Variants in NPSR1 observed in about 807,000 individuals in gnomAD.
The protein encoded by NPSR1 is neuropeptide S receptor.
In NPSR1, 48 loss-of-function variants were observed where a neutral mutation model predicts 46.9. The ratio of observed to expected loss-of-function variants is 1.02; its 90% CI spans 0.81 to 1.30. The LOEUF is 1.30. NPSR1 is among the 50% of genes most tolerant of loss of function. The pLI is 0.00. For missense variants in NPSR1, 450 were observed against 449.5 expected, an observed-to-expected ratio of 1.00 and a Z score of -0.01; for synonymous variants, 176 against 168.1, an observed-to-expected ratio of 1.05 and a Z score of -0.36.
chr7:34,709,758 T>C (rs1374981334), intron 2 of NPSR1, among the ~76,000 whole-genome samples: 1 of 152,182 alleles, frequency 6.6e-6, no homozygotes, highest in Non-Finnish European at 1.5e-5. Flanking sequence ...AATTAATATT[T>C]GTTGAAGCAA....
chr7:34,659,864 G>A (rs1343398804), intron 1 of NPSR1, among the ~76,000 whole-genome samples: 1 of 152,172 alleles, frequency 6.6e-6, no homozygotes, highest in Non-Finnish European at 1.5e-5. Context: ...GGAAGCACAG[G>A]ACTCCACTCA....
chr7:34,828,228 C>T (rs923818123), intron 5 of NPSR1, among the ~76,000 whole-genome samples: 1 of 152,148 alleles, frequency 6.6e-6, no homozygotes, highest in Non-Finnish European at 1.5e-5. Context: ...GGGGAGGAAG[C>T]AGAGTCTGTG....
At chr7:34,877,516 C>G (rs1339250671) in intron 8 of NPSR1, among the ~76,000 whole-genome samples, 1 of 152,146 alleles carries the variant, frequency 6.6e-6, no homozygotes, top group Admixed American at 6.5e-5. Flanking sequence ...GGCACAGCCT[C>G]AGAAAAGCTG....
Position 34,658,328 on chromosome 7 carries a change from C to A in NPSR1, c.-85C>A. On this transcript the variant is annotated 5_prime_UTR_variant, in exon 1 of 9. In the 5' UTR this introduces an upstream ATG that the reference lacks. Transcript: ENST00000360581. ...GTGCCTCCGTTCAGCAGAGCTGCAG[C>A]TGCTGCCCAGCTCTCAGGAGGCAAG... 6.7e-7 allele frequency: 1 copy of A among 1,482,526 alleles called. No homozygotes were observed. Among genetic ancestry groups the A allele is most frequent in the Non-Finnish European group, 9.3e-7 (1 of 1,078,480 alleles). 91.8% of individuals were successfully genotyped at this position (1,482,526 alleles called of 1,614,324 possible).
chr7:34,750,792 C>A (rs1324887973), intron 2 of NPSR1: 3 of 694,264 alleles, frequency 4.3e-6, no homozygotes, highest in Non-Finnish European at 8.2e-6. Flanking sequence ...TCCTGCTGCA[C>A]CTGCTCAGTT....
rs578240219 is a variant in NPSR1, at chr7:34,665,855, C to T, written c.147+7296C>T. ...ACATACACATGGACACATACAAATA[C>T]ACAGTGACAGACACACATGCCCACA... is the stretch of plus-strand genomic sequence containing the variant. On this transcript the variant is annotated intron_variant, in intron 1 of 8. Transcript: ENST00000360581. Among the ~76,000 whole-genome samples the T allele has an allele frequency of 2.0e-5, 3 of 152,126 alleles. No homozygotes were observed. In the South Asian group the frequency reaches 6.2e-4, roughly 32 times the overall value.
rs142198576 is a variant in NPSR1 at position 34,848,643 on chromosome 7, C to G, written c.1005C>G (p.Ser335Arg). ...CCCTCATCTACTGTGTCTTCAGCAG[C>G]TCCATCTCTTTCCCCTGCAGGTAAG... The part of the protein sequence containing the change: ...INPLIYCVFS[S>R]SISFPCREQR... The change falls in exon 8 of 9, where the codon AGC (serine) becomes AGG (arginine). Residue 335 changes from serine to arginine, a missense_variant. Physicochemically the swap from Ser to Arg is moderately radical, Grantham distance 110 (BLOSUM62 -1). Coordinates refer to ENST00000360581, the MANE Select transcript of NPSR1 (RefSeq NM_207172.2). 5 of 1,613,940 alleles carry G rather than the reference C, an allele frequency of 3.1e-6. No homozygotes were observed. In the African/African-American group the frequency reaches 4.0e-5, roughly 13 times the overall value.
intron 8 of NPSR1, 86 bp downstream of exon 8, chr7:34,848,749 T>C: frequency 2.5e-6 from 3 of 1,201,162 alleles, no homozygotes; most frequent in Middle Eastern, 2.8e-4. Context: ...ATGTCCAAAC[T>C]CTCCAGCAGG....
At chr7:34,746,600 C>A (rs747647925) in intron 2 of NPSR1, among the ~76,000 whole-genome samples, 2 of 152,180 alleles carry the variant, frequency 1.3e-5, no homozygotes, top group Non-Finnish European at 2.9e-5. Context: ...TCCCTCCACC[C>A]ATCCCTGTCT....
chr7:34,723,765 C>T lies in NPSR1; in HGVS notation c.280+39081C>T, dbSNP rs892486929. 2.6e-5 allele frequency among the ~76,000 whole-genome samples: 4 copies of T among 152,224 alleles called. No individual in the cohort carries two copies. In the South Asian group the frequency reaches 6.2e-4, roughly 24 times the overall value. ...CAAGCAATCCCTTCATCTCAGCCTCCGGAGCAGGGCTTTGGGTGTGCACCC... is the reference window on the plus strand; with the variant it reads ...CAAGCAATCCCTTCATCTCAGCCTCTGGAGCAGGGCTTTGGGTGTGCACCC... On this transcript the variant is annotated intron_variant, in intron 2 of 8. Transcript: ENST00000360581.
intron 2 of NPSR1, among the ~76,000 whole-genome samples, chr7:34,700,708 G>C (rs1793784731): frequency 6.6e-6 from 1 of 152,108 alleles, no homozygotes; most frequent in South Asian, 2.1e-4. Context: ...ATTCAGACAT[G>C]AGTTTGAATC....
chr7:34,682,800 T>C (rs997923216), intron 1 of NPSR1, among the ~76,000 whole-genome samples: 1 of 152,212 alleles, frequency 6.6e-6, no homozygotes. Context: ...ATTTCAAGAC[T>C]GCTAGAGAAA....
At chr7:34,676,888 G>C (rs1401455531) in intron 1 of NPSR1, among the ~76,000 whole-genome samples, 6 of 152,160 alleles carry the variant, frequency 3.9e-5, no homozygotes, top group African/African-American at 1.4e-4. Context: ...AAGATGTGGA[G>C]GTGGGGAGGG....
At chr7:34,692,789 A>C (rs1421634473) in intron 2 of NPSR1, among the ~76,000 whole-genome samples, 4 of 152,224 alleles carry the variant, frequency 2.6e-5, no homozygotes, top group Admixed American at 6.5e-5. Context: ...TGAAAAGATA[A>C]ATGAAATTGG....
intron 1 of NPSR1, among the ~76,000 whole-genome samples, chr7:34,678,100 C>G (rs964078455): frequency 2.6e-5 from 4 of 151,752 alleles, no homozygotes; most frequent in African/African-American, 9.7e-5. Context: ...CTTCTTCATC[C>G]AAGAATGAAA....
At chr7:34,777,082 G>T (rs1786997954) in intron 2 of NPSR1, among the ~76,000 whole-genome samples, 1 of 152,106 alleles carries the variant, frequency 6.6e-6, no homozygotes, top group Non-Finnish European at 1.5e-5. Context: ...CACCCAAGCT[G>T]GTATCTCAGT....
intron 2 of NPSR1, among the ~76,000 whole-genome samples, chr7:34,698,288 T>G (rs778574113): frequency 6.6e-6 from 1 of 152,206 alleles, no homozygotes; most frequent in Non-Finnish European, 1.5e-5. Context: ...ATTATATACT[T>G]ATGATTTTGT....
At chr7:34,732,116 G>A (rs966699558) in intron 2 of NPSR1, among the ~76,000 whole-genome samples, 2 of 149,856 alleles carry the variant, frequency 1.3e-5, no homozygotes, top group African/African-American at 4.9e-5. Flanking sequence ...GCAACACTTG[G>A]AATTCTCAGT....
At chr7:34,687,255 T>C (rs1286590820) in intron 2 of NPSR1, among the ~76,000 whole-genome samples, 1 of 152,176 alleles carries the variant, frequency 6.6e-6, no homozygotes, top group African/African-American at 2.4e-5. Flanking sequence ...TTCATATTTA[T>C]AGTTACATAT....
Sources: allele counts gnomAD v4.1 joint callset (sites outside exome capture counted in the v4.1 genomes callset), GRCh38; gene constraint gnomAD v4.1.1; transcripts MANE v1.5; gene names NCBI Gene and HGNC (gene_info 2026-07-23, HGNC 2026-07-21).